SLC2A11: variants seen among roughly 807,000 people sequenced by gnomAD.
The protein encoded by SLC2A11 is solute carrier family 2 member 11.
SLC2A11 carries 43 observed loss-of-function variants against 52.1 expected under a neutral mutation model. The observed-to-expected ratio is 0.82, with a 90% CI of 0.65 to 1.06. The LOEUF (loss-of-function observed/expected upper bound fraction) is 1.06, where lower values mean the gene tolerates loss of function less well. SLC2A11 is among the 50% of genes least tolerant of loss of function. The pLI is 0.00. For missense variants in SLC2A11, 582 were observed against 654.2 expected (o/e 0.89, Z 1.20); for synonymous variants, 261 against 277.6 (o/e 0.94, Z 0.59).
rs17004019 is a variant in SLC2A11 at position 23,857,909 on chromosome 22, C to T, written c.-91C>T. On this transcript the variant is annotated 5_prime_UTR_variant, in exon 1 of 12. Transcript: ENST00000316185. ...CACTGGGCGCTGCGCGCTGCCCTTC[C>T]CTCCGCGCACAGGCTGCCGGCTCAC... 7.9e-4 allele frequency: 1,242 copies of T among 1,579,600 alleles called. 20 individuals are homozygous for T. In the East Asian group the frequency reaches 0.025, roughly 32 times the overall value.
intron 1 of SLC2A11, among the ~76,000 whole-genome samples, chr22:23,859,935 A>G (rs1242071230): frequency 6.6e-6 from 1 of 152,244 alleles, no homozygotes; most frequent in Non-Finnish European, 1.5e-5. Flanking sequence ...AATTTGCCAG[A>G]ACAAGAAAGG....
chr22:23,869,770 C>A, intron 3 of SLC2A11: 1 of 518,698 alleles, frequency 1.9e-6, no homozygotes, highest in South Asian at 2.9e-5. Context: ...CTGTGAAGTC[C>A]AAGATCAAGG....
intron 3 of SLC2A11, chr22:23,871,062 A>G (rs1190256242): frequency 6.6e-6 from 1 of 152,158 alleles, no homozygotes; most frequent in African/African-American, 2.4e-5. Context: ...CCTTGAAACC[A>G]GTCTTCAAAT....
chr22:23,881,832 A>G (rs1390585729), intron 6 of SLC2A11: 1 of 148,122 alleles, frequency 6.8e-6, no homozygotes, highest in African/African-American at 2.5e-5. Flanking sequence ...AGAGAAACAC[A>G]CACACACACA....
intron 2 of SLC2A11, among the ~76,000 whole-genome samples, chr22:23,864,403 C>T (rs2032186325): frequency 1.3e-5 from 2 of 152,190 alleles, no homozygotes; most frequent in South Asian, 2.1e-4. Flanking sequence ...CTCACTGCAA[C>T]CTCCACCTCC....
At chr22:23,883,155 G>C (rs1454826045) in intron 8 of SLC2A11, 7 of 453,320 alleles carry the variant, frequency 1.5e-5, no homozygotes, top group African/African-American at 4.0e-5. Flanking sequence ...CCAGGTACTT[G>C]GGAGGCTGAG....
intron 6 of SLC2A11, among the ~76,000 whole-genome samples, chr22:23,880,161 G>C (rs561815620): frequency 8.0e-5 from 12 of 150,154 alleles, no homozygotes; most frequent in Non-Finnish European, 1.5e-4. Flanking sequence ...GCAGTGGCAG[G>C]AGAATTGCTT....
rs1555886868 is a variant in SLC2A11, at chr22:23,880,274, A to AAG, written c.695-2184_695-2183insGA. On this transcript the variant is annotated intron_variant, in intron 6 of 11. Coordinates refer to ENST00000316185, the MANE Select transcript of SLC2A11 (RefSeq NM_001024939.4). Reference sequence around the variant, plus strand: ...ACTCCATCTCAAAAAAAAAAAAAAAAAAAAGAAAAGAAAAGAAAACAAAGT... The same window carrying AAG: ...ACTCCATCTCAAAAAAAAAAAAAAAAAGAAAAGAAAAGAAAAGAAAACAAAGT... 43 of 130,160 alleles carry AAG rather than the reference A, an allele frequency of 3.3e-4. 4 individuals carry two copies. The South Asian group carries it at 4.5e-3, about 14-fold the overall frequency. The allele number at this position is 130,160 out of a possible 1,614,324, so 8.1% of individuals were successfully genotyped here.
At chr22:23,860,782 A>AC (rs1210396063) in intron 1 of SLC2A11, among the ~76,000 whole-genome samples, 1 of 148,058 alleles carries the variant, frequency 6.8e-6, no homozygotes, top group African/African-American at 2.5e-5. Context: ...TCCTGGGTTC[A>AC]AGCAGTTCTC....
intron 5 of SLC2A11, 189 bp downstream of exon 5, chr22:23,877,360 A>G (rs762414511): frequency 1.0e-6 from 1 of 989,008 alleles, no homozygotes; most frequent in South Asian, 1.4e-5. Context: ...CTGCAATGTG[A>G]ATCACCTTTT....
At chr22:23,861,902 A>G (rs568127160) in intron 1 of SLC2A11, among the ~76,000 whole-genome samples, 6 of 152,358 alleles carry the variant, frequency 3.9e-5, no homozygotes, top group African/African-American at 1.4e-4. Flanking sequence ...TCCTGGACTC[A>G]GAACAGGAGG....
intron 8 of SLC2A11, 25 bp from the exon 9 acceptor site, chr22:23,883,747 G>A (rs1461974319): frequency 2.0e-6 from 3 of 1,483,392 alleles, no homozygotes; most frequent in African/African-American, 1.4e-5. Flanking sequence ...CTGGGTGTGT[G>A]GGTCTGTGCT....
At chr22:23,873,725 G>A (rs2032531165) in intron 3 of SLC2A11, among the ~76,000 whole-genome samples, 1 of 152,164 alleles carries the variant, frequency 6.6e-6, no homozygotes, top group Non-Finnish European at 1.5e-5. Flanking sequence ...TCACTAGATT[G>A]AAGTACTTAA....
Position 23,868,511 on chromosome 22 carries a change from C to T in SLC2A11, c.160C>T (p.Gln54Ter), listed in dbSNP as rs761350921. The T allele has an allele frequency of 1.9e-6, 3 of 1,614,092 alleles. No individual in the cohort carries two copies. The highest frequency in any genetic ancestry group is 1.6e-4 in the Middle Eastern group (1 of 6,084). The change falls in exon 3 of 12, where the codon CAG becomes TAG. Residue 54 changes from glutamine to a stop codon, truncating the protein, a stop_gained. Transcript: ENST00000316185. LOFTEE classifies it high-confidence loss of function. ...TCAGGAATTCACCAATGAGACATGG[C>T]AGGCGCGTACTGGAGAGCCACTGCC... ...HIQEFTNETW[Q>*]ARTGEPLPDH...
intron 3 of SLC2A11, chr22:23,870,003 C>T (rs991420195): frequency 9.8e-6 from 7 of 717,480 alleles, no homozygotes; most frequent in Non-Finnish European, 1.8e-5. Context: ...ATCAATCTCC[C>T]AAAGGCCCAC....
rs1210694681 is a variant in SLC2A11, at chr22:23,885,110, T to C, written c.*261T>C. ...GCTCATGACTGTAATCCCAGCACTT[T>C]GGGAGGCCAAGGTGGGAGGATCAAT... On this transcript the variant is annotated 3_prime_UTR_variant, in exon 12 of 12. Coordinates refer to ENST00000316185, the MANE Select transcript of SLC2A11 (RefSeq NM_001024939.4). The C allele has an allele frequency of 3.8e-6, 2 of 530,762 alleles. No individual in the cohort carries two copies. The highest frequency in any genetic ancestry group is 3.9e-5 in the African/African-American group (2 of 51,722). 32.9% of individuals were successfully genotyped at this position (530,762 alleles called of 1,614,324 possible). A position where few individuals can be genotyped will look rare whatever the true frequency, so the allele number is the denominator to read the frequency against.
upstream of SLC2A11, chr22:23,857,092 G>T: frequency 7.9e-7 from 1 of 1,264,466 alleles, no homozygotes; most frequent in Non-Finnish European, 1.1e-6. Flanking sequence ...GGGGGTGTAG[G>T]TGGGGCGTGC....
intron 1 of SLC2A11, among the ~76,000 whole-genome samples, chr22:23,861,146 AT>A: frequency 6.8e-6 from 1 of 147,538 alleles, no homozygotes; most frequent in East Asian, 2.0e-4. Context: ...CGCCCGGCCA[AT>A]TTTTGTGTTT....
rs145047029 is a variant in SLC2A11 at position 23,882,067 on chromosome 22, A to AACAC, written c.695-380_695-377dup. ...AGAGAGATTGAGAGGCAGAGAGAGA[A>AACAC]ACACACACACACACAGAGACACACA... On this transcript the variant is annotated intron_variant, in intron 6 of 11. Transcript: ENST00000316185. 9.2e-5 allele frequency: 14 copies of AACAC among 151,720 alleles called. 1 individual carries two copies. Among genetic ancestry groups the AACAC allele is most frequent in the South Asian group, 2.8e-4 (2 of 7,224 alleles). The allele number at this position is 151,720 out of a possible 1,614,324, so 9.4% of individuals were successfully genotyped here. A position where few individuals can be genotyped will look rare whatever the true frequency, so the allele number is the denominator to read the frequency against.
Sources: gnomAD v4.1 joint callset for allele counts (sites outside exome capture counted in the v4.1 genomes callset) on GRCh38, gnomAD v4.1.1 for gene constraint, MANE v1.5 for transcripts, NCBI Gene and HGNC (gene_info 2026-07-23, HGNC 2026-07-21) for gene names.